Variants in KCNAB1 observed in about 807,000 individuals in gnomAD.
KCNAB1 encodes voltage-gated potassium channel subunit beta-1.
KCNAB1 carries 35 observed loss-of-function variants against 64.6 expected under a neutral mutation model. The observed-to-expected ratio is 0.54, with a 90% CI of 0.41 to 0.72. The LOEUF is 0.72. Among genes scored for constraint, KCNAB1 ranks in the 30% least tolerant of loss-of-function variants. KCNAB1 has a pLI of 0.00. For synonymous variants in KCNAB1, 177 were observed against 183.8 expected (o/e 0.96, Z 0.30); for missense variants, 401 against 512.9 (o/e 0.78, Z 2.11).
rs145570154 is a variant in KCNAB1 at position 156,404,192 on chromosome 3, G to A, written c.276-17424G>A. Among the ~76,000 whole-genome samples the A allele has an allele frequency of 7.9e-5, 12 of 152,230 alleles. 1 individual carries two copies. The highest frequency in any genetic ancestry group is 3.9e-4 in the East Asian group (2 of 5,186). Reference sequence around the variant, plus strand: ...ACCTTTTTTTGGCCTGAATTTGAGTGAAGGTCTCAAAGCACAATGACTGCA... The same window carrying A: ...ACCTTTTTTTGGCCTGAATTTGAGTAAAGGTCTCAAAGCACAATGACTGCA... On this transcript the variant is annotated intron_variant, in intron 1 of 13. Coordinates refer to ENST00000490337, the MANE Select transcript of KCNAB1 (RefSeq NM_172160.3).
At position 156,523,883 on chromosome 3, in the gene KCNAB1, C is replaced by G; in HGVS notation, c.1017C>G (p.Asn339Lys). ...IVSEEGRKQQ[N>K]KLKDLSPIAE... ...GTGAAGAAGGGAGAAAACAGCAAAA[C>G]AAGCTAAAAGACCTTTCCCCAATTG... Residue 339 changes from asparagine to lysine, a missense_variant, in exon 12 of 14, where the codon AAC becomes AAG. Coordinates refer to ENST00000490337, the MANE Select transcript of KCNAB1 (RefSeq NM_172160.3). 1 of 1,613,902 alleles carries G rather than the reference C, an allele frequency of 6.2e-7. No homozygotes were observed. The highest frequency in any genetic ancestry group is 8.5e-7 in the Non-Finnish European group (1 of 1,179,804).
intron 2 of KCNAB1, chr3:156,441,495 A>G (rs1716994185): frequency 6.6e-6 from 1 of 152,206 alleles, no homozygotes; most frequent in South Asian, 2.1e-4. Flanking sequence ...ACTATATTCC[A>G]GACACTATGA....
chr3:156,272,654 CA>C (rs750096349), intron 1 of KCNAB1, among the ~76,000 whole-genome samples: 5 of 151,930 alleles, frequency 3.3e-5, no homozygotes, highest in Non-Finnish European at 5.9e-5. Flanking sequence ...TTCCAGGAGC[CA>C]AGGCCTGGAA....
intron 1 of KCNAB1, among the ~76,000 whole-genome samples, chr3:156,294,613 A>T (rs187824816): frequency 7.2e-5 from 11 of 152,340 alleles, no homozygotes; most frequent in Non-Finnish European, 1.3e-4. Context: ...TGTTAATGAT[A>T]ACAAATAGCA....
intron 1 of KCNAB1, among the ~76,000 whole-genome samples, chr3:156,158,183 TAAATAAA>T (rs1715858913): frequency 3.1e-5 from 1 of 31,978 alleles, no homozygotes; most frequent in East Asian, 2.8e-3. Context: ...AAATAAAAAA[TAAATAAA>T]TAAATAAATA....
intron 1 of KCNAB1, among the ~76,000 whole-genome samples, chr3:156,369,517 A>G (rs1292794406): frequency 6.6e-6 from 1 of 152,266 alleles, no homozygotes; most frequent in Non-Finnish European, 1.5e-5. Flanking sequence ...TCAAAAGCAC[A>G]CAGTTTGCGT....
chr3:156,334,541 A>G (rs913307809), intron 1 of KCNAB1, among the ~76,000 whole-genome samples: 3 of 152,224 alleles, frequency 2.0e-5, no homozygotes, highest in Non-Finnish European at 4.4e-5. Flanking sequence ...TATCTGTGAA[A>G]GTTAAGGACA....
chr3:156,317,224 C>T (rs942215935), intron 1 of KCNAB1, among the ~76,000 whole-genome samples: 9 of 152,096 alleles, frequency 5.9e-5, no homozygotes, highest in Non-Finnish European at 1.0e-4. Context: ...TAGACATATC[C>T]ACAGGACTAA....
intron 1 of KCNAB1, among the ~76,000 whole-genome samples, chr3:156,220,291 A>ACACT (rs935793636): frequency 6.6e-6 from 1 of 152,208 alleles, no homozygotes; most frequent in African/African-American, 2.4e-5. Flanking sequence ...AGGAATCGCC[A>ACACT]CACTGTCTTC....
At position 156,537,726 on chromosome 3, in the gene KCNAB1, TCA is replaced by T. The variant is rs3085724; in HGVS notation, c.*980_*981del. On this transcript the variant is annotated 3_prime_UTR_variant, in exon 14 of 14. Transcript: ENST00000490337. ...GCTTTACAAATAAACATACACATGC[TCA>T]GTTTTTTAAGTAAACCTGTAAAATA... 0.55 allele frequency: 83,865 copies of T among 152,294 alleles called. 23,049 individuals carry two copies. The highest frequency in any genetic ancestry group is 0.58 in the Admixed American group (8,837 of 15,254). 9.4% of individuals were successfully genotyped at this position (152,294 alleles called of 1,614,324 possible).
At chr3:156,245,933 A>C (rs1717425246) in intron 1 of KCNAB1, among the ~76,000 whole-genome samples, 1 of 151,752 alleles carries the variant, frequency 6.6e-6, no homozygotes, top group African/African-American at 2.4e-5. Context: ...CTTCTTATCC[A>C]TACAGAATTA....
intron 7 of KCNAB1, among the ~76,000 whole-genome samples, chr3:156,469,527 C>G (rs1435834024): frequency 6.6e-6 from 1 of 151,850 alleles, no homozygotes; most frequent in Non-Finnish European, 1.5e-5. Context: ...TTTTTTCAAG[C>G]CTCATATGAC....
intron 7 of KCNAB1, among the ~76,000 whole-genome samples, chr3:156,471,379 T>G (rs544006904): frequency 6.6e-6 from 1 of 152,376 alleles, no homozygotes; most frequent in East Asian, 1.9e-4. Context: ...TGTAGTCACT[T>G]GAAAACTATT....
At chr3:156,172,977 G>C (rs948400785) in intron 1 of KCNAB1, among the ~76,000 whole-genome samples, 5 of 152,212 alleles carry the variant, frequency 3.3e-5, no homozygotes, top group Admixed American at 1.3e-4. Context: ...GCTAGTGTGG[G>C]TATTACATTC....
intron 1 of KCNAB1, among the ~76,000 whole-genome samples, chr3:156,252,134 C>T (rs189132106): frequency 2.4e-4 from 37 of 152,326 alleles, no homozygotes; most frequent in Non-Finnish European, 4.9e-4. Flanking sequence ...CCTGGCTCCC[C>T]CTGACGGAGG....
intron 1 of KCNAB1, among the ~76,000 whole-genome samples, chr3:156,381,506 G>A (rs1415809742): frequency 2.0e-5 from 3 of 152,200 alleles, no homozygotes. Context: ...ACAAGCAGAT[G>A]TTCTAACATG....
chr3:156,417,202 A>G (rs1715135478), intron 1 of KCNAB1, among the ~76,000 whole-genome samples: 3 of 152,202 alleles, frequency 2.0e-5, no homozygotes, highest in South Asian at 2.1e-4. Flanking sequence ...ACATTATTAA[A>G]TGTGCATTTC....
intron 8 of KCNAB1, among the ~76,000 whole-genome samples, chr3:156,479,127 AAT>A (rs1174240205): frequency 6.6e-6 from 1 of 152,122 alleles, no homozygotes; most frequent in African/African-American, 2.4e-5. Context: ...TCTCTGCTAC[AAT>A]ATCTGGCAAC....
At chr3:156,199,270 T>G (rs182680268) in intron 1 of KCNAB1, among the ~76,000 whole-genome samples, 1 of 152,324 alleles carries the variant, frequency 6.6e-6, no homozygotes, top group Admixed American at 6.5e-5. Context: ...CATTTCAACC[T>G]TGGAGAATCT....
Sources: allele counts gnomAD v4.1 joint callset (sites outside exome capture counted in the v4.1 genomes callset), GRCh38; gene constraint gnomAD v4.1.1; transcripts MANE v1.5; gene names NCBI Gene and HGNC (gene_info 2026-07-23, HGNC 2026-07-21).